Variants in WDR41 observed in about 807,000 individuals in gnomAD.
WDR41 encodes the protein WD repeat-containing protein 41.
A neutral mutation model predicts 69.3 loss-of-function variants in WDR41; 63 were observed. That is an observed-to-expected ratio of 0.91 (90% CI 0.74 to 1.12). The LOEUF is 1.12. Among genes scored for constraint, WDR41 ranks in the 50% most tolerant of loss-of-function variants. WDR41 has a pLI of 0.00. For synonymous variants in WDR41, 185 were observed against 192.1 expected, an observed-to-expected ratio of 0.96 and a Z score of 0.31; for missense variants, 543 against 534.5, an observed-to-expected ratio of 1.02 and a Z score of -0.16.
At chr5:77,469,540 C>T (rs1047622087) in intron 2 of WDR41, among the ~76,000 whole-genome samples, 1 of 152,126 alleles carries the variant, frequency 6.6e-6, no homozygotes, top group African/African-American at 2.4e-5. Flanking sequence ...ATTTCATAAG[C>T]AGTTTGTATA....
At chr5:77,600,916 T>G (rs1053490250) in intron 1 of WDR41, among the ~76,000 whole-genome samples, 14 of 141,602 alleles carry the variant, frequency 9.9e-5, no homozygotes, top group African/African-American at 3.9e-4. Context: ...TTATATTATC[T>G]AACTCTGTGT....
intron 2 of WDR41, among the ~76,000 whole-genome samples, chr5:77,479,405 C>A (rs1425265949): frequency 1.3e-5 from 2 of 152,110 alleles, no homozygotes; most frequent in South Asian, 2.1e-4. Flanking sequence ...AGGCATCACA[C>A]TACCTGACTT....
At position 77,505,816 on chromosome 5, in the gene WDR41, G is replaced by A. The variant is rs574715161; in HGVS notation, c.43-16244C>T. ...ATTCCCTATTTAATAAACGGTGCTG[G>A]GAAAACTGGCTAGCCATATGTAGAA... On this transcript the variant is annotated intron_variant, in intron 1 of 5. Transcript: ENST00000509971. Among the ~76,000 whole-genome samples, 3 of 152,258 alleles carry A rather than the reference G, an allele frequency of 2.0e-5. No individual in the cohort carries two copies. In the East Asian group the frequency reaches 5.8e-4, roughly 29 times the overall value.
At chr5:77,586,351 G>T (rs1019487166) in intron 1 of WDR41, among the ~76,000 whole-genome samples, 2 of 151,720 alleles carry the variant, frequency 1.3e-5, no homozygotes, top group African/African-American at 4.8e-5. Flanking sequence ...CTGTCACCCA[G>T]GCTGGAGTGC....
At chr5:77,494,308 C>A (rs1801906943), upstream of WDR41, among the ~76,000 whole-genome samples, 1 of 151,728 alleles carries the variant, frequency 6.6e-6, no homozygotes, top group South Asian at 2.1e-4. Flanking sequence ...ATAGAAATTC[C>A]TCTTTATCAG....
chr5:77,487,997 T>C lies in WDR41; in HGVS notation c.167+1460A>G, dbSNP rs536101510. On this transcript the variant is annotated intron_variant, in intron 2 of 12. Coordinates refer to ENST00000296679, the MANE Select transcript of WDR41 (RefSeq NM_018268.4). Reference sequence around the variant, plus strand: ...GTGGGACCCCCTAGGCCTTGCCCTATATACATCCTCTCATTTGGCCGGTCC... The same window carrying C: ...GTGGGACCCCCTAGGCCTTGCCCTACATACATCCTCTCATTTGGCCGGTCC... Among the ~76,000 whole-genome samples, 9 of 152,358 alleles carry C rather than the reference T, an allele frequency of 5.9e-5. No homozygotes were observed. The East Asian group carries it at 1.7e-3, about 29-fold the overall frequency.
chr5:77,599,477 G>A (rs999151693), intron 1 of WDR41, among the ~76,000 whole-genome samples: 1 of 152,080 alleles, frequency 6.6e-6, no homozygotes, highest in South Asian at 2.1e-4. Flanking sequence ...TGGGATTACA[G>A]GCATGAGTCA....
intron 6 of WDR41, among the ~76,000 whole-genome samples, chr5:77,453,394 A>C (rs1469248248): frequency 6.6e-6 from 1 of 152,240 alleles, no homozygotes; most frequent in African/African-American, 2.4e-5. Context: ...GTATGTACAC[A>C]GAATTGTGAG....
chr5:77,434,574 G>T (rs769922670), intron 12 of WDR41, among the ~76,000 whole-genome samples: 1 of 151,902 alleles, frequency 6.6e-6, no homozygotes, highest in African/African-American at 2.4e-5. Context: ...GCGTGGTGGC[G>T]GGCACCTGTA....
At chr5:77,555,101 A>T (rs1743367081) in intron 1 of WDR41, among the ~76,000 whole-genome samples, 1 of 151,904 alleles carries the variant, frequency 6.6e-6, no homozygotes, top group South Asian at 2.1e-4. Context: ...AAAAAAAAAA[A>T]TACAAGTATA....
At position 77,432,229 on chromosome 5, in the gene WDR41, C is replaced by T. The variant is rs772687883; in HGVS notation, c.*906G>A. 1 of 152,212 alleles carries T rather than the reference C, an allele frequency of 6.6e-6. No homozygotes were observed. The highest frequency in any genetic ancestry group is 1.5e-5 in the Non-Finnish European group (1 of 68,040). The allele number at this position is 152,212 out of a possible 1,614,324, so 9.4% of individuals were successfully genotyped here. On this transcript the variant is annotated 3_prime_UTR_variant, in exon 13 of 13. Coordinates refer to ENST00000296679, the MANE Select transcript of WDR41 (RefSeq NM_018268.4). ...TCATCAGTAGTTTAAGAATTTCAAT[C>T]TTTAATGTGTAGACTACTTTCTAAT...
At chr5:77,579,800 C>A (rs1314246659) in intron 1 of WDR41, among the ~76,000 whole-genome samples, 3 of 152,134 alleles carry the variant, frequency 2.0e-5, no homozygotes, top group Non-Finnish European at 4.4e-5. Flanking sequence ...TTCTTATCTT[C>A]ACTGATTTAA....
rs202104824 is a variant in WDR41 at position 77,492,241 on chromosome 5, G to C, written c.-21C>G. 3 of 1,611,430 alleles carry C rather than the reference G, an allele frequency of 1.9e-6. No individual in the cohort carries two copies. The African/African-American group carries it at 4.0e-5, about 22-fold the overall frequency. On this transcript the variant is annotated 5_prime_UTR_variant, in exon 1 of 13. Transcript: ENST00000296679. ...AACATCCGGGCAGCGGCGGCGTCTT[G>C]CCCGGTCCAGCCCCAGTCAGCCCAA...
intron 1 of WDR41, among the ~76,000 whole-genome samples, chr5:77,585,087 T>G (rs1744013532): frequency 6.6e-6 from 1 of 150,704 alleles, no homozygotes; most frequent in African/African-American, 2.4e-5. Context: ...GACAAAGGAC[T>G]AATATCCAGA....
intron 2 of WDR41, among the ~76,000 whole-genome samples, chr5:77,471,493 T>G (rs1032464495): frequency 6.6e-6 from 1 of 151,866 alleles, no homozygotes. Flanking sequence ...CCGGAACCGG[T>G]TTTTTGAAAA....
intron 1 of WDR41, among the ~76,000 whole-genome samples, chr5:77,609,542 A>G (rs527836994): frequency 2.6e-5 from 4 of 152,352 alleles, no homozygotes; most frequent in Admixed American, 2.6e-4. Context: ...TACCCAGGCA[A>G]ACAGGGTCTG....
intron 2 of WDR41, among the ~76,000 whole-genome samples, chr5:77,474,449 C>T (rs972874952): frequency 6.6e-6 from 1 of 151,986 alleles, no homozygotes; most frequent in Non-Finnish European, 1.5e-5. Flanking sequence ...CAAAAAAAAT[C>T]ACAATTTTCA....
chr5:77,492,588 C>T (rs1164798253), upstream of WDR41: 5 of 267,228 alleles, frequency 1.9e-5, no homozygotes, highest in Non-Finnish European at 2.8e-5. Flanking sequence ...CGCGGAGCAG[C>T]AACCCGACCC....
At position 77,501,763 on chromosome 5, in the gene WDR41, C is replaced by A. The variant is rs547068076; in HGVS notation, c.43-12191G>T. On this transcript the variant is annotated intron_variant, in intron 1 of 5. Coordinates refer to the WDR41 transcript ENST00000509971. The stretch of plus-strand genomic sequence containing the variant: ...AACAGGGTCTGGAGTGGACCTCCAG[C>A]AAACTCCAACAGACCTGCAGCTGAG... Among the ~76,000 whole-genome samples, 7 of 152,206 alleles carry A rather than the reference C, an allele frequency of 4.6e-5. No individual in the cohort carries two copies. In the South Asian group the frequency reaches 6.2e-4, roughly 14 times the overall value.
Sources: allele counts gnomAD v4.1 joint callset (sites outside exome capture counted in the v4.1 genomes callset), GRCh38; gene constraint gnomAD v4.1.1; transcripts MANE v1.5; gene names NCBI Gene and HGNC (gene_info 2026-07-23, HGNC 2026-07-21).